The following NCALD variants were observed in gnomAD, a reference collection of about 807,000 sequenced individuals.
The protein encoded by NCALD is neurocalcin-delta.
Under a neutral mutation model 18.6 loss-of-function variants are expected in NCALD, and 10 were observed. The observed-to-expected ratio is 0.54, with a 90% confidence interval of 0.33 to 0.91. The LOEUF is 0.91. Ranked by LOEUF, NCALD falls within the 40% of genes least tolerant of loss-of-function variation. The pLI, the probability that NCALD is intolerant of heterozygous loss-of-function variation, is 0.03. For missense variants in NCALD, 184 were observed against 247.6 expected (o/e 0.74, Z 1.72); for synonymous variants, 88 against 87.4 (o/e 1.01, Z -0.04).
At chr8:102,009,722 T>C (rs921022104) in intron 2 of NCALD, among the ~76,000 whole-genome samples, 1 of 152,230 alleles carries the variant, frequency 6.6e-6, no homozygotes, top group Admixed American at 6.5e-5. Context: ...AATGTTCTAT[T>C]GGAGCAGTTT....
intron 1 of NCALD, among the ~76,000 whole-genome samples, chr8:101,756,905 C>T (rs908161394): frequency 3.3e-5 from 5 of 152,186 alleles, no homozygotes; most frequent in African/African-American, 7.2e-5. Context: ...GCCACAGTAC[C>T]ATGACCACCT....
intron 4 of NCALD, among the ~76,000 whole-genome samples, chr8:101,842,050 G>A (rs1814663358): frequency 6.6e-6 from 1 of 152,296 alleles, no homozygotes; most frequent in East Asian, 1.9e-4. Context: ...CCAAAATCAA[G>A]GTGTCAACAG....
chr8:101,779,203 G>A (rs1188428597), intron 1 of NCALD, among the ~76,000 whole-genome samples: 1 of 152,136 alleles, frequency 6.6e-6, no homozygotes, highest in African/African-American at 2.4e-5. Context: ...TTGAAAATGA[G>A]TCTAAGAAAG....
At chr8:101,919,653 G>C (rs1484962114) in intron 2 of NCALD, among the ~76,000 whole-genome samples, 1 of 149,582 alleles carries the variant, frequency 6.7e-6, no homozygotes, top group South Asian at 2.1e-4. Flanking sequence ...CTAATATCCA[G>C]AATCTATAAG....
intron 1 of NCALD, among the ~76,000 whole-genome samples, chr8:101,790,118 A>G (rs1053794138): frequency 6.6e-6 from 1 of 152,172 alleles, no homozygotes; most frequent in African/African-American, 2.4e-5. Flanking sequence ...AACAGCTTAC[A>G]TGACTCCTTA....
Position 101,872,546 on chromosome 8 carries a change from G to T in NCALD, c.-20+14595C>A, listed in dbSNP as rs1054654918. On this transcript the variant is annotated intron_variant, in intron 4 of 6. Transcript: ENST00000311028. The stretch of plus-strand genomic sequence containing the variant: ...CACTCAGTGTCTGTGTTGGGGTCCT[G>T]CATCTTGTTTCCAATCGCTCAAGCC... The T allele has an allele frequency of 2.8e-5, 18 of 654,088 alleles. No individual in the cohort carries two copies. In the African/African-American group the frequency reaches 3.3e-4, roughly 12 times the overall value. 40.5% of individuals were successfully genotyped at this position (654,088 alleles called of 1,614,324 possible). A position where few individuals can be genotyped will look rare whatever the true frequency, so the allele number is the denominator to read the frequency against.
intron 3 of NCALD, among the ~76,000 whole-genome samples, chr8:101,904,652 TTCTATCTCTCTCC>T (rs760872393): frequency 3.3e-5 from 5 of 152,138 alleles, no homozygotes; most frequent in Non-Finnish European, 7.3e-5. Context: ...CCCTTTACAA[TTCTATCTCTCTCC>T]TCTTCTCCAT....
At chr8:101,763,967 C>CTCTCTCT (rs1563744178) in intron 1 of NCALD, among the ~76,000 whole-genome samples, 3 of 7,068 alleles carry the variant, frequency 4.2e-4, no homozygotes, top group Non-Finnish European at 1.2e-3. Context: ...TCTCTCTCTC[C>CTCTCTCT]ACACACACAC....
intron 2 of NCALD, among the ~76,000 whole-genome samples, chr8:101,920,793 G>A (rs1169538044): frequency 2.6e-5 from 4 of 152,136 alleles, no homozygotes; most frequent in Non-Finnish European, 1.5e-5. Flanking sequence ...CAGTACCTGG[G>A]TGACAGAATC....
Position 102,005,869 on chromosome 8 carries a change from G to T in NCALD, c.-157+14368C>A, listed in dbSNP as rs1424080350. Among the ~76,000 whole-genome samples the T allele has an allele frequency of 2.8e-5, 4 of 141,112 alleles. No individual in the cohort carries two copies. In the East Asian group the frequency reaches 9.1e-4, roughly 32 times the overall value. 92.6% of individuals were successfully genotyped at this position (141,112 alleles called of 152,430 possible). On this transcript the variant is annotated intron_variant, in intron 2 of 6. Coordinates refer to the NCALD transcript ENST00000311028. ...CAGGAAGGGGAACATCACACACTGG[G>T]GCCTGTTGTGGGGTGGGGGGGCAGG...
intron 2 of NCALD, among the ~76,000 whole-genome samples, chr8:102,001,116 T>TA (rs1821447064): frequency 6.6e-6 from 1 of 152,084 alleles, no homozygotes; most frequent in Non-Finnish European, 1.5e-5. Context: ...GCAAAGAAGT[T>TA]AAAAACCTTG....
rs536752990 is a variant in NCALD, at chr8:101,949,272, G to A, written c.-156-33414C>T. Among the ~76,000 whole-genome samples, 6 of 152,172 alleles carry A rather than the reference G, an allele frequency of 3.9e-5. No individual in the cohort carries two copies. In the East Asian group the frequency reaches 1.2e-3, roughly 29 times the overall value. ...CCAAGAGATCAAGAAAACTACCCAA[G>A]GTCATGCAGAATGTAAGACGCACAC... On this transcript the variant is annotated intron_variant, in intron 2 of 6. Transcript: ENST00000311028.
chr8:101,842,973 C>T (rs892445518), intron 4 of NCALD, among the ~76,000 whole-genome samples: 1 of 152,180 alleles, frequency 6.6e-6, no homozygotes, highest in Non-Finnish European at 1.5e-5. Flanking sequence ...AAATACCATA[C>T]ATAAAAAAGC....
chr8:101,917,029 C>T (rs1817993657), intron 2 of NCALD, among the ~76,000 whole-genome samples: 2 of 152,068 alleles, frequency 1.3e-5, no homozygotes, highest in South Asian at 4.1e-4. Context: ...CTCCATCCAT[C>T]AAGTATAGAA....
At chr8:101,716,876 C>T (rs1816111207) in intron 2 of NCALD, among the ~76,000 whole-genome samples, 1 of 152,196 alleles carries the variant, frequency 6.6e-6, no homozygotes, top group Non-Finnish European at 1.5e-5. Context: ...ACTCAATCTG[C>T]TGTTGCTGCC....
At chr8:101,995,163 A>G (rs138689626) in intron 2 of NCALD, among the ~76,000 whole-genome samples, 1 of 152,220 alleles carries the variant, frequency 6.6e-6, no homozygotes, top group African/African-American at 2.4e-5. Flanking sequence ...GAACTCTGTC[A>G]TTATCCTTCT....
chr8:101,948,302 T>C (rs1819257261), intron 2 of NCALD, among the ~76,000 whole-genome samples: 2 of 152,156 alleles, frequency 1.3e-5, no homozygotes, highest in Admixed American at 1.3e-4. Flanking sequence ...ATGAGCTGGA[T>C]GGATATAGGA....
chr8:101,741,763 C>CAAAAAAAAA (rs68064092), intron 1 of NCALD, among the ~76,000 whole-genome samples: 1 of 69,794 alleles, frequency 1.4e-5, no homozygotes, highest in Non-Finnish European at 3.1e-5. Flanking sequence ...CTCATCTCTA[C>CAAAAAAAAA]AAAAAAAAAA....
intron 4 of NCALD, among the ~76,000 whole-genome samples, chr8:101,843,143 C>T (rs1814712908): frequency 6.6e-6 from 1 of 152,080 alleles, no homozygotes; most frequent in Admixed American, 6.6e-5. Flanking sequence ...GTTATATGTG[C>T]ACAATAAACC....
Sources: allele counts gnomAD v4.1 joint callset (sites outside exome capture counted in the v4.1 genomes callset), GRCh38; gene constraint gnomAD v4.1.1; transcripts MANE v1.5; gene names NCBI Gene and HGNC (gene_info 2026-07-23, HGNC 2026-07-21).